USP34: variants seen among roughly 807,000 people sequenced by gnomAD.
The protein encoded by USP34 is ubiquitin specific peptidase 34, also known as ubiquitin carboxyl-terminal hydrolase 34.
USP34 carries 70 observed loss-of-function variants against 460.3 expected under a neutral mutation model. The observed-to-expected ratio is 0.15, with a 90% CI of 0.13 to 0.19. USP34 has a LOEUF of 0.19. USP34 is among the 10% of genes least tolerant of loss of function. The pLI is 1.00. For synonymous variants in USP34, 1,647 were observed against 1,405.3 expected (o/e 1.17, Z -3.85); for missense variants, 3,985 against 4,236.2 (o/e 0.94, Z 1.65).
At chr2:61,219,666 G>A (rs998846700) in intron 67 of USP34, among the ~76,000 whole-genome samples, 1 of 139,728 alleles carries the variant, frequency 7.2e-6, no homozygotes, top group African/African-American at 2.7e-5. Flanking sequence ...GTGAGACTCT[G>A]TCTCAAAAAA....
chr2:61,470,834 C>G lies in USP34; in HGVS notation c.-142G>C. ...CGACTAGGGCGGGCGGCGGCGGGGA[C>G]GGGGCGGGGAGCAAGAGAATGGGGG... On this transcript the variant is annotated 5_prime_UTR_variant, in exon 1 of 80. Coordinates refer to ENST00000398571, the MANE Select transcript of USP34 (RefSeq NM_014709.4). The G allele has an allele frequency of 1.7e-5, 3 of 171,984 alleles. No individual in the cohort carries two copies. The highest frequency in any genetic ancestry group is 2.4e-5 in the Non-Finnish European group (2 of 82,794). 10.7% of individuals were successfully genotyped at this position (171,984 alleles called of 1,614,324 possible).
At chr2:61,237,745 A>ATTT (rs1217415827) in intron 53 of USP34, among the ~76,000 whole-genome samples, 1 of 132,860 alleles carries the variant, frequency 7.5e-6, no homozygotes, top group East Asian at 2.2e-4. Context: ...TTATTTTTGT[A>ATTT]TTTTTTTTTT....
intron 75 of USP34, among the ~76,000 whole-genome samples, chr2:61,197,526 C>T (rs1686843679): frequency 6.6e-6 from 1 of 152,208 alleles, no homozygotes; most frequent in Non-Finnish European, 1.5e-5. Flanking sequence ...TTTTCCGCAA[C>T]TTCAGTCCAT....
At chr2:61,368,191 T>C (rs1018408752) in intron 10 of USP34, among the ~76,000 whole-genome samples, 1 of 152,172 alleles carries the variant, frequency 6.6e-6, no homozygotes, top group Non-Finnish European at 1.5e-5. Flanking sequence ...ACCAGCACTT[T>C]GTGAGGCCAA....
chr2:61,379,682 C>G (rs1408560218), intron 7 of USP34, among the ~76,000 whole-genome samples: 1 of 152,204 alleles, frequency 6.6e-6, no homozygotes, highest in African/African-American at 2.4e-5. Flanking sequence ...GAATACCAGG[C>G]CTTCTTCCAA....
At chr2:61,454,040 G>C (rs114711500) in intron 1 of USP34, among the ~76,000 whole-genome samples, 1 of 152,078 alleles carries the variant, frequency 6.6e-6, no homozygotes, top group African/African-American at 2.4e-5. Context: ...AAGACAGCTA[G>C]ATTTATATAA....
intron 21 of USP34, among the ~76,000 whole-genome samples, chr2:61,322,691 GTCTAAAGAGTTTTA>G (rs1690963211): frequency 6.6e-6 from 1 of 152,172 alleles, no homozygotes; most frequent in Admixed American, 6.5e-5. Flanking sequence ...AGCAGTATCA[GTCTAAAGAGTTTTA>G]TCAGAAAAAA....
chr2:61,342,138 T>C (rs919809097), intron 16 of USP34, among the ~76,000 whole-genome samples: 24 of 152,054 alleles, frequency 1.6e-4, no homozygotes, highest in African/African-American at 5.6e-4. Context: ...CAACAGCAAG[T>C]TATGACAGTT....
chr2:61,452,554 G>A (rs1480362153), intron 1 of USP34, among the ~76,000 whole-genome samples: 1 of 151,740 alleles, frequency 6.6e-6, no homozygotes, highest in East Asian at 1.9e-4. Flanking sequence ...CCTGACCTCA[G>A]GTGGTGATCC....
rs756327285 is a variant in USP34, at chr2:61,344,037, A to C, written c.2286-8T>G. On this transcript the variant is annotated splice_region_variant and splice_polypyrimidine_tract_variant and intron_variant, in intron 15 of 79. Transcript: ENST00000398571. ...ATATCATCAACCATATGCCTACAAA[A>C]CAGAGAAAAGCACAAAGTTAGTAAT... 1 of 1,611,148 alleles carries C rather than the reference A, an allele frequency of 6.2e-7. No homozygotes were observed. The highest frequency in any genetic ancestry group is 8.5e-7 in the Non-Finnish European group (1 of 1,177,914).
At chr2:61,225,360 A>T (rs1687697351) in intron 62 of USP34, among the ~76,000 whole-genome samples, 2 of 152,082 alleles carry the variant, frequency 1.3e-5, no homozygotes, top group Admixed American at 1.3e-4. Flanking sequence ...CAGTTTAGGA[A>T]AATTTTACAA....
intron 16 of USP34, among the ~76,000 whole-genome samples, chr2:61,341,912 G>A (rs979544295): frequency 2.6e-5 from 4 of 151,138 alleles, no homozygotes; most frequent in Admixed American, 6.6e-5. Context: ...ACAGGTGCCC[G>A]CCATCACACC....
At chr2:61,298,165 G>A (rs1690092224) in intron 29 of USP34, among the ~76,000 whole-genome samples, 1 of 151,552 alleles carries the variant, frequency 6.6e-6, no homozygotes, top group Non-Finnish European at 1.5e-5. Flanking sequence ...ACTCTCATCA[G>A]GGCCAAACCT....
At chr2:61,447,254 C>CAAAAAAAAA (rs763711140) in intron 1 of USP34, among the ~76,000 whole-genome samples, 3 of 59,672 alleles carry the variant, frequency 5.0e-5, no homozygotes, top group South Asian at 9.8e-4. Context: ...AACTGTCTTC[C>CAAAAAAAAA]AAAAAAAAAA....
chr2:61,373,829 T>C (rs1692705177), intron 8 of USP34, among the ~76,000 whole-genome samples: 1 of 152,160 alleles, frequency 6.6e-6, no homozygotes, highest in Non-Finnish European at 1.5e-5. Context: ...CCTCTCATAC[T>C]GGTTGACTCT....
chr2:61,330,422 A>T (rs528413452), intron 20 of USP34, among the ~76,000 whole-genome samples: 2 of 152,328 alleles, frequency 1.3e-5, no homozygotes, highest in East Asian at 3.9e-4. Context: ...AGTAAAAATA[A>T]AATCTAGAGA....
chr2:61,449,941 C>T (rs1465282738), intron 1 of USP34, among the ~76,000 whole-genome samples: 1 of 152,152 alleles, frequency 6.6e-6, no homozygotes, highest in Non-Finnish European at 1.5e-5. Context: ...TGGCGCACGC[C>T]TGTAGTCCCA....
chr2:61,307,142 A>C (rs1164619830), intron 27 of USP34, among the ~76,000 whole-genome samples: 1 of 152,168 alleles, frequency 6.6e-6, no homozygotes, highest in Admixed American at 6.5e-5. Context: ...GCCATAAAAA[A>C]GGATGAGTCC....
intron 51 of USP34, among the ~76,000 whole-genome samples, chr2:61,242,458 TACAC>T (rs67471702): frequency 0.13 from 16,989 of 129,592 alleles, 1,095 homozygotes; most frequent in African/African-American, 0.17. Context: ...AGATAATACA[TACAC>T]ACACACACAC....
Sources: allele counts gnomAD v4.1 joint callset (sites outside exome capture counted in the v4.1 genomes callset), GRCh38; gene constraint gnomAD v4.1.1; transcripts MANE v1.5; gene names NCBI Gene and HGNC (gene_info 2026-07-23, HGNC 2026-07-21).